The following PLCB1 variants were observed in gnomAD, a reference collection of about 807,000 sequenced individuals.
The protein encoded by PLCB1 is phospholipase C beta 1.
A neutral mutation model predicts 161.8 loss-of-function variants in PLCB1; 46 were observed. The ratio of observed to expected loss-of-function variants is 0.28; its 90% CI spans 0.22 to 0.36. The LOEUF is 0.36. Ranked by LOEUF, PLCB1 falls within the 10% of genes least tolerant of loss-of-function variation. PLCB1 has a pLI of 1.00. For synonymous variants in PLCB1, 517 were observed against 503.7 expected (o/e 1.03, Z -0.35); for missense variants, 1,016 against 1,472.5 (o/e 0.69, Z 5.07).
chr20:8,792,174 T>C (rs760719247), intron 31 of PLCB1: 1 of 165,268 alleles, frequency 6.1e-6, no homozygotes, highest in Non-Finnish European at 1.3e-5. Flanking sequence ...GTGCAGCAAA[T>C]GTCTTCATTT....
intron 19 of PLCB1, among the ~76,000 whole-genome samples, chr20:8,736,037 T>C (rs1357087180): frequency 1.3e-5 from 2 of 152,206 alleles, no homozygotes; most frequent in Non-Finnish European, 2.9e-5. Flanking sequence ...TGAGCTCAGA[T>C]TGTGAGCCCA....
At chr20:8,237,611 G>A (rs1043627097) in intron 2 of PLCB1, among the ~76,000 whole-genome samples, 3 of 151,982 alleles carry the variant, frequency 2.0e-5, no homozygotes, top group Non-Finnish European at 4.4e-5. Flanking sequence ...AAATCAGAAA[G>A]CAGAAATGAA....
chr20:8,568,894 C>T (rs1600159319), intron 3 of PLCB1, among the ~76,000 whole-genome samples: 1 of 152,212 alleles, frequency 6.6e-6, no homozygotes, highest in East Asian at 1.9e-4. Context: ...AGCAAGGCAG[C>T]CAATATGGTG....
intron 7 of PLCB1, chr20:8,650,040 C>G (rs1364286435): frequency 6.6e-6 from 1 of 151,796 alleles, no homozygotes; most frequent in Non-Finnish European, 1.5e-5. Flanking sequence ...CTAGAATGAC[C>G]CTTGCTTTTT....
chr20:8,163,960 G>C (rs2051650975), intron 2 of PLCB1, among the ~76,000 whole-genome samples: 1 of 152,160 alleles, frequency 6.6e-6, no homozygotes, highest in Non-Finnish European at 1.5e-5. Context: ...GTGGCATAAA[G>C]ACTAGATTTT....
intron 3 of PLCB1, among the ~76,000 whole-genome samples, chr20:8,590,836 T>A (rs6055932): frequency 0.15 from 23,036 of 152,096 alleles, 1,739 homozygotes; most frequent in Middle Eastern, 0.22. Context: ...TTTTTTTAAG[T>A]TCTGGGGTCC....
intron 2 of PLCB1, among the ~76,000 whole-genome samples, chr20:8,164,960 A>G (rs1238945137): frequency 6.6e-6 from 1 of 152,208 alleles, no homozygotes; most frequent in African/African-American, 2.4e-5. Flanking sequence ...CATTTATTTG[A>G]AGGAAGGCAG....
intron 31 of PLCB1, among the ~76,000 whole-genome samples, chr20:8,807,080 G>A (rs16995277): frequency 0.071 from 10,847 of 152,242 alleles, 1,051 homozygotes; most frequent in African/African-American, 0.22. Context: ...CAAAGAAGGC[G>A]TCTACCAGCA....
intron 2 of PLCB1, among the ~76,000 whole-genome samples, chr20:8,290,145 T>G (rs898150485): frequency 2.0e-5 from 3 of 152,170 alleles, no homozygotes; most frequent in Admixed American, 6.5e-5. Context: ...AACTTGGCTT[T>G]TATTTGATAG....
intron 2 of PLCB1, among the ~76,000 whole-genome samples, chr20:8,179,613 T>C (rs1178639454): frequency 1.3e-5 from 2 of 152,186 alleles, no homozygotes; most frequent in Non-Finnish European, 2.9e-5. Context: ...CATCTTATCT[T>C]TCTATCTGCA....
chr20:8,658,749 T>C, intron 9 of PLCB1, 45 bp downstream of exon 9: 1 of 1,518,552 alleles, frequency 6.6e-7, no homozygotes. Context: ...TGTTTCTGAT[T>C]GGGGGTAGTC....
At chr20:8,795,602 G>A (rs983829982) in intron 31 of PLCB1, among the ~76,000 whole-genome samples, 1 of 152,194 alleles carries the variant, frequency 6.6e-6, no homozygotes, top group Non-Finnish European at 1.5e-5. Context: ...CAAGATGGAC[G>A]CAGTAAACAC....
At chr20:8,317,966 T>G (rs1281272334) in intron 2 of PLCB1, among the ~76,000 whole-genome samples, 1 of 151,880 alleles carries the variant, frequency 6.6e-6, no homozygotes, top group Non-Finnish European at 1.5e-5. Flanking sequence ...TTTCTTCCAT[T>G]GAGAATTCAT....
chr20:8,146,042 C>T (rs2051449615), intron 1 of PLCB1, among the ~76,000 whole-genome samples: 1 of 151,920 alleles, frequency 6.6e-6, no homozygotes, highest in African/African-American at 2.4e-5. Flanking sequence ...CATGTCGCTT[C>T]CAAGGAAACG....
intron 2 of PLCB1, among the ~76,000 whole-genome samples, chr20:8,369,803 C>A (rs1313460473): frequency 6.6e-6 from 1 of 152,192 alleles, no homozygotes. Context: ...TTCCTGTCCA[C>A]CCTTCATCTC....
At chr20:8,566,147 G>T (rs6086503) in intron 3 of PLCB1, among the ~76,000 whole-genome samples, 1,802 of 152,194 alleles carry the variant, frequency 0.012, 24 homozygotes, top group South Asian at 0.045. Flanking sequence ...CAAACTATGT[G>T]CAATTTTACA....
At chr20:8,734,117 G>A (rs944082476) in intron 19 of PLCB1, among the ~76,000 whole-genome samples, 32 of 114,574 alleles carry the variant, frequency 2.8e-4, no homozygotes, top group South Asian at 9.5e-4. Flanking sequence ...GACAGAGCGA[G>A]AGAGCGAGAC....
chr20:8,274,995 C>T (rs1982462471), intron 2 of PLCB1, among the ~76,000 whole-genome samples: 1 of 151,998 alleles, frequency 6.6e-6, no homozygotes, highest in South Asian at 2.1e-4. Context: ...GCTTCGATGC[C>T]CCTTTTCAAA....
At chr20:8,877,702 T>C (rs1987829109) in intron 31 of PLCB1, among the ~76,000 whole-genome samples, 1 of 152,246 alleles carries the variant, frequency 6.6e-6, no homozygotes, top group Admixed American at 6.5e-5. Flanking sequence ...CTGTATTCTT[T>C]TCATATTTTC....
Sources: allele counts gnomAD v4.1 joint callset (sites outside exome capture counted in the v4.1 genomes callset), GRCh38; gene constraint gnomAD v4.1.1; transcripts MANE v1.5; gene names NCBI Gene and HGNC (gene_info 2026-07-23, HGNC 2026-07-21).